HS6ST2: variants seen among roughly 807,000 people sequenced by gnomAD.
HS6ST2 encodes heparan sulfate 6-O-sulfotransferase 2.
Under a neutral mutation model 33.0 loss-of-function variants are expected in HS6ST2, and 17 were observed. The ratio of observed to expected loss-of-function variants is 0.52; its 90% CI spans 0.35 to 0.77. The LOEUF is 0.77. Among genes scored for constraint, HS6ST2 ranks in the 30% least tolerant of loss-of-function variants. The probability of loss-of-function intolerance (pLI) is 0.01; values close to 1 mark genes in which losing one functional copy is unlikely to be tolerated. For missense variants in HS6ST2, 519 were observed against 551.7 expected, an observed-to-expected ratio of 0.94 and a Z score of 0.59; for synonymous variants, 248 against 237.1, an observed-to-expected ratio of 1.05 and a Z score of -0.42.
intron 2 of HS6ST2, among the ~76,000 whole-genome samples, chrX:132,742,389 T>G (rs781570331): frequency 8.9e-6 from 1 of 111,944 alleles, no homozygotes; most frequent in East Asian, 2.8e-4. Context: ...CTTGCTTCCC[T>G]AAGTCACAGG....
At chrX:132,681,738 T>A (rs962668863) in intron 3 of HS6ST2, among the ~76,000 whole-genome samples, 1 of 112,566 alleles carries the variant, frequency 8.9e-6, no homozygotes, top group Non-Finnish European at 1.9e-5. Context: ...CGTCACCTCT[T>A]TGTAATATAG....
chrX:132,862,418 A>G (rs1049892358), intron 2 of HS6ST2, among the ~76,000 whole-genome samples: 11 of 112,166 alleles, frequency 9.8e-5, no homozygotes, highest in African/African-American at 2.9e-4. Context: ...AGGGATAAGG[A>G]CACTGACTTC....
intron 2 of HS6ST2, among the ~76,000 whole-genome samples, chrX:132,906,637 A>G (rs1569502989): frequency 9.0e-6 from 1 of 111,192 alleles, no homozygotes; most frequent in African/African-American, 3.3e-5. Context: ...TATCCTCATG[A>G]TAATGACTGA....
chrX:132,718,736 T>C (rs772392635), intron 2 of HS6ST2, among the ~76,000 whole-genome samples: 2 of 110,696 alleles, frequency 1.8e-5, no homozygotes, highest in Non-Finnish European at 3.8e-5. Context: ...ACAGAGGTAG[T>C]AGCTCATTTG....
At chrX:132,633,643 C>T (rs1453257413) in intron 4 of HS6ST2, among the ~76,000 whole-genome samples, 1 of 110,995 alleles carries the variant, frequency 9.0e-6, no homozygotes, top group Admixed American at 9.5e-5. Context: ...AGATAAGGTA[C>T]GGAGTGGTCA....
At chrX:132,841,898 A>T (rs1212830760) in intron 2 of HS6ST2, among the ~76,000 whole-genome samples, 2 of 112,120 alleles carry the variant, frequency 1.8e-5, no homozygotes, top group Non-Finnish European at 3.8e-5. Context: ...CACAGCTAAC[A>T]TGCCCATCAG....
At chrX:132,678,270 G>T (rs771446568) in intron 3 of HS6ST2, among the ~76,000 whole-genome samples, 1 of 112,060 alleles carries the variant, frequency 8.9e-6, no homozygotes, top group East Asian at 2.8e-4. Flanking sequence ...TTGGGAAAAT[G>T]GCTGGAGCCT....
intron 2 of HS6ST2, among the ~76,000 whole-genome samples, chrX:132,906,609 C>T (rs1041846323): frequency 9.0e-6 from 1 of 111,366 alleles, no homozygotes; most frequent in South Asian, 3.8e-4. Flanking sequence ...GTAGATCCCT[C>T]GTGAATGGGC....
At chrX:132,777,677 C>T (rs1366516848) in intron 2 of HS6ST2, among the ~76,000 whole-genome samples, 1 of 106,734 alleles carries the variant, frequency 9.4e-6, no homozygotes, top group Non-Finnish European at 1.9e-5. Context: ...AAACTTCTGA[C>T]CTCAGGTGAT....
intron 2 of HS6ST2, among the ~76,000 whole-genome samples, chrX:132,755,487 T>G (rs2148302874): frequency 1.1e-5 from 1 of 90,328 alleles, no homozygotes; most frequent in South Asian, 5.6e-4. Flanking sequence ...CTTGAATAAA[T>G]GATATTTAAG....
chrX:132,753,516 C>T (rs77106269), intron 2 of HS6ST2, among the ~76,000 whole-genome samples: 1 of 111,547 alleles, frequency 9.0e-6, no homozygotes, highest in Admixed American at 9.5e-5. Flanking sequence ...AATGGGAGTT[C>T]CCCTGCACAA....
At chrX:132,914,100 T>C (rs1602864021) in intron 2 of HS6ST2, among the ~76,000 whole-genome samples, 1 of 112,015 alleles carries the variant, frequency 8.9e-6, no homozygotes, top group East Asian at 2.8e-4. Context: ...CAAAACTCAC[T>C]GACTAAACAA....
chrX:132,922,917 G>T (rs2066667806), intron 2 of HS6ST2, among the ~76,000 whole-genome samples: 1 of 110,223 alleles, frequency 9.1e-6, no homozygotes, highest in Non-Finnish European at 1.9e-5. Context: ...ACAAAAATTA[G>T]CCGGGCGTGG....
At chrX:132,851,299 C>T (rs912651194) in intron 2 of HS6ST2, among the ~76,000 whole-genome samples, 1 of 112,274 alleles carries the variant, frequency 8.9e-6, no homozygotes, top group Non-Finnish European at 1.9e-5. Context: ...AAATCAACTT[C>T]AGAAATAAAC....
chrX:132,816,596 G>A (rs1243528819), intron 2 of HS6ST2, among the ~76,000 whole-genome samples: 1 of 111,978 alleles, frequency 8.9e-6, no homozygotes, highest in Admixed American at 9.5e-5. Context: ...TTTGTGCAAG[G>A]GTCTCCACTG....
At chrX:132,749,010 A>G (rs2064674883) in intron 2 of HS6ST2, among the ~76,000 whole-genome samples, 2 of 111,480 alleles carry the variant, frequency 1.8e-5, no homozygotes, top group Admixed American at 1.9e-4. Context: ...GATTCCCCAA[A>G]TATGGCAAAT....
intron 2 of HS6ST2, among the ~76,000 whole-genome samples, chrX:132,797,696 C>T (rs780615264): frequency 1.8e-5 from 2 of 110,534 alleles, no homozygotes; most frequent in Non-Finnish European, 3.8e-5. Context: ...AGTTGACCAT[C>T]TAGAAACAGT....
intron 2 of HS6ST2, among the ~76,000 whole-genome samples, chrX:132,800,075 A>G (rs1283735323): frequency 8.9e-6 from 1 of 111,958 alleles, no homozygotes. Context: ...TGGGTCCCCA[A>G]CCCTCAGGCC....
At chrX:132,799,862 G>T (rs750647663) in intron 2 of HS6ST2, among the ~76,000 whole-genome samples, 1 of 111,941 alleles carries the variant, frequency 8.9e-6, no homozygotes, top group Non-Finnish European at 1.9e-5. Flanking sequence ...GAGATGCCTA[G>T]TGCACTTCAA....
Sources: gnomAD v4.1 joint callset for allele counts (sites outside exome capture counted in the v4.1 genomes callset) on GRCh38, gnomAD v4.1.1 for gene constraint, MANE v1.5 for transcripts, NCBI Gene and HGNC (gene_info 2026-07-23, HGNC 2026-07-21) for gene names.